Variants in DPP6 observed in about 807,000 individuals in gnomAD.
The protein encoded by DPP6 is dipeptidyl peptidase like 6, also known as A-type potassium channel modulatory protein DPP6.
A neutral mutation model predicts 122.6 loss-of-function variants in DPP6; 69 were observed. The observed-to-expected ratio is 0.56, with a 90% CI of 0.46 to 0.69. The LOEUF (loss-of-function observed/expected upper bound fraction) is 0.69, where lower values mean the gene tolerates loss of function less well. DPP6 is among the 30% of genes least tolerant of loss of function. The probability of loss-of-function intolerance (pLI) is 0.00; values close to 1 mark genes in which losing one functional copy is unlikely to be tolerated. For missense variants in DPP6, 928 were observed against 1,116.9 expected, an observed-to-expected ratio of 0.83 and a Z score of 2.41; for synonymous variants, 418 against 433.1, an observed-to-expected ratio of 0.97 and a Z score of 0.43.
At chr7:154,552,956 T>G (rs771637601) in intron 4 of DPP6, among the ~76,000 whole-genome samples, 8 of 152,200 alleles carry the variant, frequency 5.3e-5, no homozygotes, top group Admixed American at 2.0e-4. Context: ...ACATCAACAA[T>G]TTGAGGAACT....
intron 3 of DPP6, among the ~76,000 whole-genome samples, chr7:154,500,661 C>T (rs1825160618): frequency 6.6e-6 from 1 of 152,302 alleles, no homozygotes; most frequent in African/African-American, 2.4e-5. Flanking sequence ...GATTGTGAGG[C>T]CTCCCCAGCC....
At chr7:154,748,861 GCCCA>G (rs1843166688) in intron 8 of DPP6, among the ~76,000 whole-genome samples, 1 of 152,226 alleles carries the variant, frequency 6.6e-6, no homozygotes, top group Non-Finnish European at 1.5e-5. Flanking sequence ...GAGGGTGGAG[GCCCA>G]GTACCGCAGG....
the DPP6 span, among the ~76,000 whole-genome samples, chr7:153,821,104 T>G: frequency 5.3e-5 from 8 of 152,236 alleles, no homozygotes; most frequent in African/African-American, 1.9e-4. Context: ...ATATTTTGAA[T>G]TTTTATTTTA....
At chr7:153,805,850 C>T in the DPP6 span, among the ~76,000 whole-genome samples, 42 of 151,720 alleles carry the variant, frequency 2.8e-4, 1 homozygote, top group African/African-American at 9.9e-4. Context: ...TGGGGCCTGT[C>T]GTGGGGTGGG....
chr7:154,276,702 G>T (rs76826483), intron 1 of DPP6, among the ~76,000 whole-genome samples: 5,850 of 152,244 alleles, frequency 0.038, 209 homozygotes, highest in East Asian at 0.16. Context: ...TGCCACAAAG[G>T]CAGAATTAAC....
At chr7:154,458,572 T>A (rs7805292) in intron 2 of DPP6, among the ~76,000 whole-genome samples, 99,980 of 152,112 alleles carry the variant, frequency 0.66, 33,507 homozygotes, top group East Asian at 0.91. Flanking sequence ...AGACTTCCAG[T>A]CTCCAGAACT....
chr7:154,536,434 A>C (rs1428234223), intron 3 of DPP6, among the ~76,000 whole-genome samples: 1 of 152,208 alleles, frequency 6.6e-6, no homozygotes, highest in Non-Finnish European at 1.5e-5. Flanking sequence ...AAATACCTAA[A>C]TAAATGGAAA....
intron 1 of DPP6, among the ~76,000 whole-genome samples, chr7:154,281,545 T>C (rs1804515911): frequency 6.6e-6 from 1 of 152,212 alleles, no homozygotes; most frequent in African/African-American, 2.4e-5. Context: ...GTTGTAAATT[T>C]ACATACCTTG....
At chr7:154,750,604 G>T (rs1195918441) in intron 8 of DPP6, among the ~76,000 whole-genome samples, 1 of 152,168 alleles carries the variant, frequency 6.6e-6, no homozygotes, top group Non-Finnish European at 1.5e-5. Context: ...GGCGGGGGTC[G>T]GCTTCCTCCT....
At chr7:153,909,902 C>T (rs1196692038) in intron 1 of DPP6, among the ~76,000 whole-genome samples, 1 of 152,110 alleles carries the variant, frequency 6.6e-6, no homozygotes, top group African/African-American at 2.4e-5. Context: ...GACACTGCAC[C>T]CAGACAGGTT....
At chr7:154,742,880 A>C (rs1842878002) in intron 8 of DPP6, among the ~76,000 whole-genome samples, 1 of 152,214 alleles carries the variant, frequency 6.6e-6, no homozygotes, top group Non-Finnish European at 1.5e-5. Flanking sequence ...CTTACGGGCA[A>C]AGGGCAGACC....
At chr7:153,883,898 A>G (rs751666635), upstream of DPP6, among the ~76,000 whole-genome samples, 47 of 152,222 alleles carry the variant, frequency 3.1e-4, no homozygotes, top group Non-Finnish European at 5.9e-5. Context: ...CAGGAGGAGC[A>G]GAACACAGCG....
Position 154,601,649 on chromosome 7 carries a change from CT to C in DPP6, c.627+34742del, listed in dbSNP as rs920188885. On this transcript the variant is annotated intron_variant, in intron 5 of 25. Coordinates refer to ENST00000377770, the MANE Select transcript of DPP6 (RefSeq NM_130797.4). ...ATAAATAACATGTAGTTAGGTCTTG[CT>C]TTTTTTTTCTTTCAGTGAGACAATC... Among the ~76,000 whole-genome samples the C allele has an allele frequency of 1.6e-4, 19 of 118,296 alleles. 5 individuals carry two copies. The Admixed American group carries it at 1.8e-3, about 11-fold the overall frequency. 77.6% of individuals were successfully genotyped at this position (118,296 alleles called of 152,430 possible).
At chr7:153,917,014 C>A (rs1033125127) in intron 1 of DPP6, among the ~76,000 whole-genome samples, 2 of 152,178 alleles carry the variant, frequency 1.3e-5, no homozygotes, top group Non-Finnish European at 2.9e-5. Context: ...TTTTCACACT[C>A]GCACACTCAT....
intron 1 of DPP6, among the ~76,000 whole-genome samples, chr7:154,066,190 G>T (rs1004299716): frequency 1.3e-5 from 2 of 151,884 alleles, no homozygotes; most frequent in African/African-American, 4.8e-5. Flanking sequence ...CTCCTGAGTA[G>T]CTGGGATTAC....
At chr7:154,029,351 C>T (rs1233001252) in intron 1 of DPP6, among the ~76,000 whole-genome samples, 1 of 150,214 alleles carries the variant, frequency 6.7e-6, no homozygotes, top group African/African-American at 2.5e-5. Context: ...CCCGTCTCTA[C>T]TAAAAATACA....
chr7:153,881,798 G>A, the DPP6 span, among the ~76,000 whole-genome samples: 1 of 152,052 alleles, frequency 6.6e-6, no homozygotes, highest in South Asian at 2.1e-4. Flanking sequence ...CTGGCTCCAG[G>A]TCCTAATGGC....
At chr7:154,299,822 T>C (rs938010783) in intron 1 of DPP6, among the ~76,000 whole-genome samples, 32 of 152,234 alleles carry the variant, frequency 2.1e-4, no homozygotes, top group Admixed American at 3.9e-4. Context: ...GCAAAGCGAC[T>C]GCAGCTGATT....
intron 3 of DPP6, among the ~76,000 whole-genome samples, chr7:154,520,667 G>C (rs7780519): frequency 0.15 from 22,552 of 152,238 alleles, 1,673 homozygotes; most frequent in Middle Eastern, 0.18. Flanking sequence ...GTGGAGGCTT[G>C]GCTCCATTGG....
Sources: allele counts gnomAD v4.1 joint callset (sites outside exome capture counted in the v4.1 genomes callset), GRCh38; gene constraint gnomAD v4.1.1; transcripts MANE v1.5; gene names NCBI Gene and HGNC (gene_info 2026-07-23, HGNC 2026-07-21).